The following ZFAT variants were observed in gnomAD, a reference collection of about 807,000 sequenced individuals.
ZFAT encodes zinc finger and AT-hook domain containing.
Under a neutral mutation model 117.7 loss-of-function variants are expected in ZFAT, and 64 were observed. That is an observed-to-expected ratio of 0.54 (90% CI 0.44 to 0.67). ZFAT has a LOEUF of 0.67. ZFAT is among the 30% of genes least tolerant of loss of function. ZFAT has a pLI of 0.00. For missense variants in ZFAT, 1,433 were observed against 1,584.5 expected, an observed-to-expected ratio of 0.90 and a Z score of 1.62; for synonymous variants, 679 against 615.0, an observed-to-expected ratio of 1.10 and a Z score of -1.54.
At chr8:134,520,059 G>C (rs1820537740) in intron 13 of ZFAT, among the ~76,000 whole-genome samples, 1 of 152,088 alleles carries the variant, frequency 6.6e-6, no homozygotes, top group African/African-American at 2.4e-5. Flanking sequence ...TGTTTAAAAA[G>C]CCTTCTCCCA....
At position 134,616,445 on chromosome 8, in the gene ZFAT, C is replaced by A. The variant is rs184473291; in HGVS notation, c.449-5790G>T. 6.2e-4 allele frequency among the ~76,000 whole-genome samples: 94 copies of A among 152,314 alleles called. No individual in the cohort carries two copies. The East Asian group carries it at 0.014, about 22-fold the overall frequency. ...ACTTTTCAAAGTTGCGTTTTGTCCC[C>A]TGAAATGCCTCGAGGACCCGACCTA... is the stretch of plus-strand genomic sequence containing the variant. On this transcript the variant is annotated intron_variant, in intron 3 of 15. Transcript: ENST00000377838.
the ZFAT span, among the ~76,000 whole-genome samples, chr8:134,768,915 G>A: frequency 2.6e-3 from 394 of 152,292 alleles, 2 homozygotes; most frequent in African/African-American, 9.3e-3. Flanking sequence ...GCTCAGGCCT[G>A]TAATCCCAGC....
chr8:134,768,217 AC>A, the ZFAT span, among the ~76,000 whole-genome samples: 1 of 152,148 alleles, frequency 6.6e-6, no homozygotes. Flanking sequence ...GAAAATTCTC[AC>A]ATCATTTTCA....
intron 1 of ZFAT, among the ~76,000 whole-genome samples, chr8:134,679,594 T>G (rs774059983): frequency 2.6e-5 from 4 of 152,178 alleles, no homozygotes; most frequent in Non-Finnish European, 5.9e-5. Context: ...TGGGTATATA[T>G]CCAAAGGATT....
At chr8:134,773,813 AT>A in the ZFAT span, among the ~76,000 whole-genome samples, 1 of 152,172 alleles carries the variant, frequency 6.6e-6, no homozygotes, top group Non-Finnish European at 1.5e-5. Context: ...CAATGTCATG[AT>A]AAAACTTGAA....
At chr8:134,697,109 G>C (rs1833881561) in intron 1 of ZFAT, among the ~76,000 whole-genome samples, 2 of 150,756 alleles carry the variant, frequency 1.3e-5, no homozygotes, top group Non-Finnish European at 3.0e-5. Flanking sequence ...TTTTGGTTTG[G>C]TTTGGTTTTG....
intron 1 of ZFAT, among the ~76,000 whole-genome samples, chr8:134,680,827 T>C (rs183798569): frequency 5.9e-5 from 9 of 152,344 alleles, no homozygotes; most frequent in Admixed American, 5.9e-4. Flanking sequence ...GTAAATTTTG[T>C]GTTGTGTTGT....
chr8:134,675,642 A>G (rs1832762607), intron 1 of ZFAT, among the ~76,000 whole-genome samples: 1 of 152,184 alleles, frequency 6.6e-6, no homozygotes, highest in Non-Finnish European at 1.5e-5. Flanking sequence ...CAACCCCAAG[A>G]CACATAATCA....
At chr8:134,604,471 A>G (rs779231748) in intron 5 of ZFAT, among the ~76,000 whole-genome samples, 10 of 152,246 alleles carry the variant, frequency 6.6e-5, no homozygotes, top group Non-Finnish European at 1.3e-4. Context: ...AATGACAGTC[A>G]CCAAAGTACC....
At chr8:134,814,205 C>T in the ZFAT span, among the ~76,000 whole-genome samples, 1 of 152,110 alleles carries the variant, frequency 6.6e-6, no homozygotes. Context: ...TATGTTATAA[C>T]ATCAACAATG....
chr8:134,553,099 T>G (rs1823303262), intron 11 of ZFAT, among the ~76,000 whole-genome samples: 1 of 152,110 alleles, frequency 6.6e-6, no homozygotes, highest in Non-Finnish European at 1.5e-5. Flanking sequence ...AATCACACTT[T>G]TTGAAAGCAT....
chr8:134,633,222 A>C lies in ZFAT; in HGVS notation c.448+4239T>G, dbSNP rs536944189. Reference sequence around the variant, plus strand: ...TATCTGTGTCTCTGTTTCCTCTTCTATAAAATGGGAATAACAATAGTGCCT... The same window carrying C: ...TATCTGTGTCTCTGTTTCCTCTTCTCTAAAATGGGAATAACAATAGTGCCT... On this transcript the variant is annotated intron_variant, in intron 3 of 15. Transcript: ENST00000377838. 3.3e-5 allele frequency among the ~76,000 whole-genome samples: 5 copies of C among 152,308 alleles called. No homozygotes were observed. In the South Asian group the frequency reaches 1.0e-3, roughly 32 times the overall value.
In ZFAT at chr8:134,616,038, G is replaced by A. The variant is rs969194841; in HGVS notation, c.449-5383C>T. On this transcript the variant is annotated intron_variant, in intron 3 of 15. Transcript: ENST00000377838. ...ACACCCAGTATGTGGGGGGTGGGAG[G>A]TGAGGCAGGAGAAGAACTGGCATGG... Among the ~76,000 whole-genome samples the A allele has an allele frequency of 1.4e-4, 21 of 152,298 alleles. 2 individuals are homozygous for A. Among genetic ancestry groups the A allele is most frequent in the Non-Finnish European group, 8.8e-5 (6 of 68,022 alleles).
At chr8:134,744,727 C>CTTTTTTT in the ZFAT span, among the ~76,000 whole-genome samples, 16 of 103,516 alleles carry the variant, frequency 1.5e-4, no homozygotes, top group African/African-American at 5.7e-4. Flanking sequence ...GCCTACTCTC[C>CTTTTTTT]TTTTTTTTTT....
rs572871460 is a variant in ZFAT at position 134,651,301 on chromosome 8, G to T, written c.196+6260C>A. Among the ~76,000 whole-genome samples, 355 of 152,258 alleles carry T rather than the reference G, an allele frequency of 2.3e-3. 1 individual carries two copies. Among genetic ancestry groups the T allele is most frequent in the African/African-American group, 8.3e-3 (343 of 41,556 alleles). On this transcript the variant is annotated intron_variant, in intron 2 of 15. Coordinates refer to ENST00000377838, the MANE Select transcript of ZFAT (RefSeq NM_020863.4). ...CTCAAATGTCTATCAAAAGAGGAAT[G>T]GATACACAATATGTAGCATATGCAT...
chr8:134,781,272 T>A, the ZFAT span, among the ~76,000 whole-genome samples: 1 of 152,138 alleles, frequency 6.6e-6, no homozygotes, highest in Non-Finnish European at 1.5e-5. Context: ...ACTACTGAGA[T>A]GTGCCACCAT....
intron 15 of ZFAT, among the ~76,000 whole-genome samples, chr8:134,483,750 G>T (rs376631459): frequency 1.3e-5 from 2 of 152,160 alleles, no homozygotes; most frequent in Admixed American, 1.3e-4. Flanking sequence ...CTGCTGTTCC[G>T]CTGTCTCCAG....
intron 15 of ZFAT, among the ~76,000 whole-genome samples, chr8:134,496,717 A>G (rs1818465526): frequency 1.3e-5 from 2 of 152,260 alleles, no homozygotes; most frequent in Admixed American, 6.5e-5. Context: ...TGCTGGGGGG[A>G]AAAGCCATGT....
At chr8:134,675,366 T>C (rs956776838) in intron 1 of ZFAT, among the ~76,000 whole-genome samples, 40 of 151,872 alleles carry the variant, frequency 2.6e-4, no homozygotes, top group Admixed American at 2.5e-3. Flanking sequence ...AAATTGAAGA[T>C]CAACTCAATG....
Sources: gnomAD v4.1 joint callset for allele counts (sites outside exome capture counted in the v4.1 genomes callset) on GRCh38, gnomAD v4.1.1 for gene constraint, MANE v1.5 for transcripts, NCBI Gene and HGNC (gene_info 2026-07-23, HGNC 2026-07-21) for gene names.